The following SIPA1L1 variants were observed in gnomAD, a reference collection of about 807,000 sequenced individuals.
The protein encoded by SIPA1L1 is signal-induced proliferation-associated 1-like protein 1.
Under a neutral mutation model 162.7 loss-of-function variants are expected in SIPA1L1, and 26 were observed. That is an observed-to-expected ratio of 0.16 (90% CI 0.12 to 0.22). The LOEUF (loss-of-function observed/expected upper bound fraction) is 0.22, where lower values mean the gene tolerates loss of function less well. Ranked by LOEUF, SIPA1L1 falls within the 10% of genes least tolerant of loss-of-function variation. The pLI is 1.00. For missense variants in SIPA1L1, 1,874 were observed against 2,241.0 expected (o/e 0.84, Z 3.31); for synonymous variants, 829 against 837.4 (o/e 0.99, Z 0.17).
intron 17 of SIPA1L1, among the ~76,000 whole-genome samples, chr14:71,712,503 T>G (rs1369264018): frequency 6.6e-6 from 1 of 152,118 alleles, no homozygotes; most frequent in Non-Finnish European, 1.5e-5. Flanking sequence ...GCTGTTTCAC[T>G]TTCAGATCTT....
At chr14:71,700,906 A>G (rs2082039667) in intron 14 of SIPA1L1, among the ~76,000 whole-genome samples, 1 of 138,324 alleles carries the variant, frequency 7.2e-6, no homozygotes, top group Non-Finnish European at 1.5e-5. Context: ...AGGCAGGAGA[A>G]TGGTGTGAAC....
At chr14:71,468,920 A>G (rs2047233842) in intron 2 of SIPA1L1, among the ~76,000 whole-genome samples, 2 of 152,154 alleles carry the variant, frequency 1.3e-5, no homozygotes, top group Non-Finnish European at 2.9e-5. Context: ...ATTTTGGATG[A>G]GTTCTAAGCC....
intron 2 of SIPA1L1, among the ~76,000 whole-genome samples, chr14:71,508,235 G>A (rs2050832408): frequency 6.6e-6 from 1 of 152,134 alleles, no homozygotes; most frequent in Admixed American, 6.6e-5. Context: ...AACACTCCAT[G>A]GGTCAAGGAA....
chr14:71,520,026 C>G (rs1462826197), intron 3 of SIPA1L1, among the ~76,000 whole-genome samples: 1 of 152,072 alleles, frequency 6.6e-6, no homozygotes, highest in Admixed American at 6.5e-5. Context: ...TGCTTGAGCC[C>G]AGGAGATCGA....
chr14:71,652,169 A>T (rs1219411271), intron 8 of SIPA1L1, among the ~76,000 whole-genome samples: 1 of 152,174 alleles, frequency 6.6e-6, no homozygotes, highest in Non-Finnish European at 1.5e-5. Context: ...ACGCAAAATC[A>T]TCTCTTTTAC....
intron 2 of SIPA1L1, among the ~76,000 whole-genome samples, chr14:71,474,844 T>C (rs993960829): frequency 7.0e-4 from 107 of 152,244 alleles, no homozygotes; most frequent in Non-Finnish European, 2.2e-4. Flanking sequence ...ATTGCTAATA[T>C]ATTCCAGCCT....
At chr14:71,374,836 C>T (rs190951803) in intron 2 of SIPA1L1, among the ~76,000 whole-genome samples, 1 of 152,038 alleles carries the variant, frequency 6.6e-6, no homozygotes, top group East Asian at 1.9e-4. Flanking sequence ...TTTGGCTCCT[C>T]CTATTTCCCT....
chr14:71,704,316 T>A (rs1438856946), intron 15 of SIPA1L1, among the ~76,000 whole-genome samples: 1 of 152,192 alleles, frequency 6.6e-6, no homozygotes, highest in Non-Finnish European at 1.5e-5. Context: ...CTCTACTCAG[T>A]TTATAAGAAC....
chr14:71,592,943 G>A (rs866957031), intron 5 of SIPA1L1, among the ~76,000 whole-genome samples: 1 of 152,102 alleles, frequency 6.6e-6, no homozygotes. Context: ...GCTAGTGAGT[G>A]TATGTTTATA....
intron 2 of SIPA1L1, among the ~76,000 whole-genome samples, chr14:71,495,245 C>T (rs968202729): frequency 1.3e-5 from 2 of 152,052 alleles, no homozygotes; most frequent in Admixed American, 6.5e-5. Flanking sequence ...GTGAAGCCAT[C>T]TAGTCCTGGT....
chr14:71,683,952 G>A (rs946930293), intron 12 of SIPA1L1, among the ~76,000 whole-genome samples: 10 of 152,178 alleles, frequency 6.6e-5, no homozygotes, highest in African/African-American at 2.4e-4. Context: ...GTGGTGCTGT[G>A]TCCCAGTGTG....
chr14:71,457,601 T>A (rs2046280848), intron 2 of SIPA1L1, among the ~76,000 whole-genome samples: 1 of 134,414 alleles, frequency 7.4e-6, no homozygotes, highest in Non-Finnish European at 1.6e-5. Context: ...CCAGCCGACA[T>A]TTTTTTTTTT....
At chr14:71,698,799 G>A (rs1028441304) in intron 13 of SIPA1L1, among the ~76,000 whole-genome samples, 182 bp from the exon 14 acceptor site, 1 of 118,140 alleles carries the variant, frequency 8.5e-6, no homozygotes, top group Non-Finnish European at 1.6e-5. Context: ...CAGTTTTCCA[G>A]CTGTTCCCCT....
intron 2 of SIPA1L1, among the ~76,000 whole-genome samples, chr14:71,410,650 A>T (rs747152302): frequency 1.3e-5 from 2 of 152,212 alleles, no homozygotes; most frequent in Non-Finnish European, 2.9e-5. Flanking sequence ...TCACGTTGGC[A>T]TTAAAAACGT....
chr14:71,514,201 T>G (rs1261801158), intron 3 of SIPA1L1, among the ~76,000 whole-genome samples: 1 of 152,182 alleles, frequency 6.6e-6, no homozygotes, highest in African/African-American at 2.4e-5. Flanking sequence ...GGGTTTGACC[T>G]TTTGACTTGG....
At chr14:71,392,871 A>G (rs2040877750) in intron 2 of SIPA1L1, among the ~76,000 whole-genome samples, 1 of 152,236 alleles carries the variant, frequency 6.6e-6, no homozygotes, top group Non-Finnish European at 1.5e-5. Flanking sequence ...ATCCTTAAAT[A>G]CAGGGATTAT....
chr14:71,345,255 A>G (rs542351160), intron 2 of SIPA1L1, among the ~76,000 whole-genome samples: 15 of 152,240 alleles, frequency 9.9e-5, no homozygotes, highest in Middle Eastern at 3.4e-3. Flanking sequence ...GACGGGTACT[A>G]TGTGGAAGAT....
chr14:71,642,554 A>C (rs1350992852), intron 7 of SIPA1L1, among the ~76,000 whole-genome samples: 2 of 152,200 alleles, frequency 1.3e-5, no homozygotes, highest in East Asian at 3.8e-4. Flanking sequence ...CAAGAACTAC[A>C]AGGCTCAAAC....
intron 2 of SIPA1L1, among the ~76,000 whole-genome samples, chr14:71,330,142 C>T (rs2034345402): frequency 6.6e-6 from 1 of 152,216 alleles, no homozygotes; most frequent in African/African-American, 2.4e-5. Flanking sequence ...CATCATCCTT[C>T]TCCAAATGAA....
Sources: gnomAD v4.1 joint callset for allele counts (sites outside exome capture counted in the v4.1 genomes callset) on GRCh38, gnomAD v4.1.1 for gene constraint, MANE v1.5 for transcripts, NCBI Gene and HGNC (gene_info 2026-07-23, HGNC 2026-07-21) for gene names.